Variants in TTLL1 observed in about 807,000 individuals in gnomAD.
TTLL1 encodes polyglutamylase complex subunit TTLL1.
A neutral mutation model predicts 47.8 loss-of-function variants in TTLL1; 33 were observed. The observed-to-expected ratio is 0.69, with a 90% CI of 0.52 to 0.92. The LOEUF (loss-of-function observed/expected upper bound fraction) is 0.92, where lower values mean the gene tolerates loss of function less well. Ranked by LOEUF, TTLL1 falls within the 40% of genes least tolerant of loss-of-function variation. The probability of loss-of-function intolerance (pLI) is 0.00; values close to 1 mark genes in which losing one functional copy is unlikely to be tolerated. For synonymous variants in TTLL1, 225 were observed against 214.1 expected (o/e 1.05, Z -0.45); for missense variants, 488 against 547.5 (o/e 0.89, Z 1.08).
intron 3 of TTLL1, 41 bp from the exon 4 acceptor site, chr22:43,069,885 T>C (rs1249327604): frequency 5.6e-6 from 9 of 1,608,684 alleles, no homozygotes; most frequent in South Asian, 1.1e-5. Context: ...CAGTGATGTC[T>C]GTGTGGCAGA....
chr22:43,063,214 G>A (rs1040359924), intron 7 of TTLL1, among the ~76,000 whole-genome samples: 1 of 152,132 alleles, frequency 6.6e-6, no homozygotes, highest in East Asian at 1.9e-4. Flanking sequence ...CCGAGGCTCT[G>A]AGAGTTACAC....
intron 7 of TTLL1, among the ~76,000 whole-genome samples, chr22:43,061,882 G>A (rs1264739503): frequency 1.3e-5 from 2 of 152,156 alleles, no homozygotes; most frequent in Admixed American, 6.6e-5. Flanking sequence ...CTCCAGCACC[G>A]CTTTGCAGGG....
intron 8 of TTLL1, chr22:43,052,139 G>A (rs1926680346): frequency 2.1e-6 from 1 of 484,508 alleles, no homozygotes; most frequent in Non-Finnish European, 3.8e-6. Flanking sequence ...ACTCATCAGA[G>A]GCTTGACTAG....
intron 3 of TTLL1, among the ~76,000 whole-genome samples, chr22:43,071,960 C>T (rs1156667392): frequency 6.6e-6 from 1 of 151,630 alleles, no homozygotes; most frequent in Non-Finnish European, 1.5e-5. Flanking sequence ...TTCAGGATGG[C>T]ACCTTCTCAC....
chr22:43,086,571 A>G (rs1036454013), intron 1 of TTLL1, among the ~76,000 whole-genome samples: 13 of 152,176 alleles, frequency 8.5e-5, no homozygotes, highest in African/African-American at 3.1e-4. Context: ...GAGAGCCCAG[A>G]TGGGGGCGAG....
intron 2 of TTLL1, 41 bp from the exon 3 acceptor site, chr22:43,075,631 G>A (rs769033810): frequency 1.9e-6 from 3 of 1,555,290 alleles, no homozygotes; most frequent in Admixed American, 3.3e-5. Context: ...AACTTCAACA[G>A]CTCACTTCCC....
chr22:43,067,449 G>A (rs955355662), intron 5 of TTLL1, among the ~76,000 whole-genome samples: 15 of 152,212 alleles, frequency 9.9e-5, no homozygotes, highest in Non-Finnish European at 4.4e-5. Flanking sequence ...ACTTTGGCAG[G>A]TGCCTCGCTG....
At chr22:43,051,976 C>T (rs1334363695) in intron 8 of TTLL1, 89 bp from the exon 9 acceptor site, 10 of 1,231,088 alleles carry the variant, frequency 8.1e-6, no homozygotes, top group Middle Eastern at 2.1e-4. Context: ...GATCGTCCCA[C>T]GTCCCGACCT....
intron 8 of TTLL1, among the ~76,000 whole-genome samples, chr22:43,056,796 A>G (rs1450867579): frequency 2.0e-5 from 3 of 151,676 alleles, no homozygotes; most frequent in Non-Finnish European, 4.4e-5. Context: ...AAAACAAAAC[A>G]AAACAAAAAC....
chr22:43,084,074 C>G lies in TTLL1; in HGVS notation c.-89-4088G>C, dbSNP rs190986397. Among the ~76,000 whole-genome samples, 222 of 152,294 alleles carry G rather than the reference C, an allele frequency of 1.5e-3. 1 individual carries two copies. The highest frequency in any genetic ancestry group is 4.3e-4 in the Non-Finnish European group (29 of 68,028). On this transcript the variant is annotated intron_variant, in intron 1 of 10. Coordinates refer to ENST00000266254, the MANE Select transcript of TTLL1 (RefSeq NM_012263.5). ...AACAATATCATGGCATTAAAATAAACTAAATCCTTATTCTCGTCAAAAGGG... is the reference window on the plus strand; with the variant it reads ...AACAATATCATGGCATTAAAATAAAGTAAATCCTTATTCTCGTCAAAAGGG...
intron 9 of TTLL1, among the ~76,000 whole-genome samples, chr22:43,049,268 A>T (rs1049191066): frequency 6.6e-6 from 1 of 152,064 alleles, no homozygotes; most frequent in Admixed American, 6.5e-5. Context: ...TCATGCCTGT[A>T]ATCCCAGCAC....
intron 5 of TTLL1, 133 bp from the exon 6 acceptor site, chr22:43,064,457 G>A: frequency 9.7e-7 from 1 of 1,035,448 alleles, no homozygotes; most frequent in East Asian, 2.7e-5. Context: ...TGGGCGCGGT[G>A]GCTCACGCCT....
intron 10 of TTLL1, among the ~76,000 whole-genome samples, chr22:43,044,669 T>C (rs1925961952): frequency 6.6e-6 from 1 of 152,186 alleles, no homozygotes; most frequent in Non-Finnish European, 1.5e-5. Flanking sequence ...GCAGTATCGA[T>C]GCCAACAACA....
rs1176834175 is a variant in TTLL1 at position 43,063,854 on chromosome 22, T to C, written c.706A>G (p.Met236Val). ...YTPSTSELDN[M>V]FVHLTNVAIQ... ...GCGACGTTGGTGAGATGAACGAACATGTTGTCCAGCTCACTGGTACTCGGG... is the reference window on the plus strand; with the variant it reads ...GCGACGTTGGTGAGATGAACGAACACGTTGTCCAGCTCACTGGTACTCGGG... Residue 236 changes from methionine to valine, a missense_variant, in exon 7 of 11, where the codon ATG becomes GTG. Transcript: ENST00000266254. The C allele has an allele frequency of 2.5e-6, 4 of 1,613,950 alleles. No individual in the cohort carries two copies. The highest frequency in any genetic ancestry group is 3.4e-6 in the Non-Finnish European group (4 of 1,179,970).
At position 43,039,581 on chromosome 22, in the gene TTLL1, A is replaced by G. The variant is rs1182554633; in HGVS notation, c.*195T>C. The stretch of plus-strand genomic sequence containing the variant: ...TTAGGTTAAAAATTAAAAAAAAAAG[A>G]GCGAGTTTTATACATCCGCATGAAT... On this transcript the variant is annotated 3_prime_UTR_variant, in exon 11 of 11. Coordinates refer to ENST00000266254, the MANE Select transcript of TTLL1 (RefSeq NM_012263.5). 1.2e-5 allele frequency: 6 copies of G among 518,634 alleles called. No homozygotes were observed. Among genetic ancestry groups the G allele is most frequent in the Non-Finnish European group, 1.7e-5 (6 of 350,484 alleles). 32.1% of individuals were successfully genotyped at this position (518,634 alleles called of 1,614,324 possible).
At chr22:43,077,066 A>C (rs1928555077) in intron 2 of TTLL1, among the ~76,000 whole-genome samples, 1 of 151,764 alleles carries the variant, frequency 6.6e-6, no homozygotes. Context: ...GCACCACTGC[A>C]CTCCAGCCTG....
intron 4 of TTLL1, 93 bp from the exon 5 acceptor site, chr22:43,068,683 G>C (rs925329174): frequency 2.7e-5 from 33 of 1,221,242 alleles, no homozygotes; most frequent in Non-Finnish European, 3.3e-5. Context: ...AGGGCCTGTG[G>C]GCTGAGTGTC....
At chr22:43,077,531 A>C (rs1928587288) in intron 2 of TTLL1, among the ~76,000 whole-genome samples, 1 of 152,164 alleles carries the variant, frequency 6.6e-6, no homozygotes, top group East Asian at 1.9e-4. Flanking sequence ...CCCAGGGCCC[A>C]GCTCCATGCC....
intron 8 of TTLL1, among the ~76,000 whole-genome samples, chr22:43,057,156 G>C (rs1443671589): frequency 6.6e-6 from 1 of 152,060 alleles, no homozygotes; most frequent in Non-Finnish European, 1.5e-5. Flanking sequence ...TGTAATCCCA[G>C]CTACTTGGGA....
Sources: allele counts gnomAD v4.1 joint callset (sites outside exome capture counted in the v4.1 genomes callset), GRCh38; gene constraint gnomAD v4.1.1; transcripts MANE v1.5; gene names NCBI Gene and HGNC (gene_info 2026-07-23, HGNC 2026-07-21).